Variants in TDRD9 observed in about 807,000 individuals in gnomAD.
TDRD9 encodes ATP-dependent RNA helicase TDRD9.
In TDRD9, 124 loss-of-function variants were observed where a neutral mutation model predicts 172.6. The observed-to-expected ratio is 0.72, with a 90% CI of 0.62 to 0.83. TDRD9 has a LOEUF of 0.83. Among genes scored for constraint, TDRD9 ranks in the 40% least tolerant of loss-of-function variants. The pLI is 0.00. For synonymous variants in TDRD9, 619 were observed against 617.1 expected (o/e 1.00, Z -0.05); for missense variants, 1,479 against 1,714.1 (o/e 0.86, Z 2.42).
At chr14:103,933,869 C>T (rs2030569127) in intron 1 of TDRD9, among the ~76,000 whole-genome samples, 1 of 152,212 alleles carries the variant, frequency 6.6e-6, no homozygotes, top group African/African-American at 2.4e-5. Flanking sequence ...TGTCCTAAGT[C>T]CACATACCTA....
At chr14:103,932,205 C>A (rs1371680628) in intron 1 of TDRD9, among the ~76,000 whole-genome samples, 3 of 152,206 alleles carry the variant, frequency 2.0e-5, no homozygotes, top group Non-Finnish European at 2.9e-5. Flanking sequence ...GGCAGCACTG[C>A]ATTAGGGTAC....
At position 103,977,406 on chromosome 14, in the gene TDRD9, T is replaced by C. The variant is rs1036809913; in HGVS notation, c.1011+1853T>C. ...TACTCGGGAAGCTGAGGCAGGAGAA[T>C]GGCATGAACCCGGGAGGCGGAGCTT... On this transcript the variant is annotated intron_variant, in intron 7 of 35. Transcript: ENST00000409874. Among the ~76,000 whole-genome samples the C allele has an allele frequency of 3.3e-4, 45 of 135,038 alleles. No individual in the cohort carries two copies. The Admixed American group carries it at 3.7e-3, about 11-fold the overall frequency. The allele number at this position is 135,038 out of a possible 152,430, so 88.6% of individuals were successfully genotyped here.
chr14:103,941,436 G>A (rs1470251764), intron 1 of TDRD9: 1 of 1,535,306 alleles, frequency 6.5e-7, no homozygotes, highest in Non-Finnish European at 8.7e-7. Flanking sequence ...TTGAACTTGT[G>A]AGCAAAGAAC....
rs1436801195 is a variant in TDRD9 at position 103,928,489 on chromosome 14, G to C, written c.-21G>C. ...CGCGGAGACCCGGCAGTTGGGGGATGCCGACGCCTGGGCCTTGAGGATGCT... is the reference window on the plus strand; with the variant it reads ...CGCGGAGACCCGGCAGTTGGGGGATCCCGACGCCTGGGCCTTGAGGATGCT... On this transcript the variant is annotated 5_prime_UTR_variant, in exon 1 of 36. It removes an upstream start codon present in the reference 5' UTR. Transcript: ENST00000409874. 14 of 1,431,508 alleles carry C rather than the reference G, an allele frequency of 9.8e-6. No individual in the cohort carries two copies. The Admixed American group carries it at 3.8e-4, about 38-fold the overall frequency. The allele number at this position is 1,431,508 out of a possible 1,614,324, so 88.7% of individuals were successfully genotyped here.
chr14:103,946,467 G>A (rs1209074412), intron 1 of TDRD9, among the ~76,000 whole-genome samples: 1 of 152,212 alleles, frequency 6.6e-6, no homozygotes, highest in Non-Finnish European at 1.5e-5. Context: ...AAGATTGAAA[G>A]CTTTTCCTCT....
chr14:103,988,014 G>T (rs375708590), intron 8 of TDRD9, among the ~76,000 whole-genome samples: 1 of 151,944 alleles, frequency 6.6e-6, no homozygotes, highest in Admixed American at 6.6e-5. Flanking sequence ...CTTATCTCTC[G>T]TAACACTTAA....
intron 1 of TDRD9, 65 bp from the exon 2 acceptor site, chr14:103,955,599 G>A: frequency 1.6e-6 from 2 of 1,251,484 alleles, no homozygotes; most frequent in Non-Finnish European, 2.2e-6. Flanking sequence ...TGAAAAACTT[G>A]TCTAGTACAC....
intron 8 of TDRD9, among the ~76,000 whole-genome samples, chr14:103,987,441 T>A (rs144581848): frequency 6.6e-6 from 1 of 152,318 alleles, no homozygotes. Flanking sequence ...TTAGTTCTGC[T>A]ATGTTGTGTC....
At chr14:104,016,190 C>G (rs1419647762) in intron 22 of TDRD9, 102 bp downstream of exon 22, 2 of 821,720 alleles carry the variant, frequency 2.4e-6, no homozygotes, top group Non-Finnish European at 3.9e-6. Flanking sequence ...GAATTTTCCC[C>G]TGGCGTGAAT....
chr14:104,020,254 A>G (rs2034912812), intron 23 of TDRD9, among the ~76,000 whole-genome samples: 1 of 152,178 alleles, frequency 6.6e-6, no homozygotes, highest in Non-Finnish European at 1.5e-5. Context: ...TCAAGGTAAG[A>G]GGAGTAGAAG....
intron 20 of TDRD9, chr14:104,013,875 G>A (rs1257544276): frequency 1.3e-5 from 2 of 151,240 alleles, no homozygotes; most frequent in Non-Finnish European, 2.9e-5. Context: ...GTGTGGGATT[G>A]TGCCTGTGAA....
intron 29 of TDRD9, 88 bp downstream of exon 29, chr14:104,031,351 G>A (rs554802370): frequency 2.5e-6 from 3 of 1,211,170 alleles, no homozygotes; most frequent in Admixed American, 5.8e-5. Context: ...AGTCATGGTG[G>A]TTTTTTCTTT....
At chr14:104,030,128 T>C (rs537677457) in intron 28 of TDRD9, among the ~76,000 whole-genome samples, 22 of 152,186 alleles carry the variant, frequency 1.4e-4, no homozygotes, top group Middle Eastern at 3.4e-3. Context: ...AACCAAAATT[T>C]TACATACAAA....
At chr14:104,043,794 G>GCTCTT (rs1432580762) in intron 34 of TDRD9, among the ~76,000 whole-genome samples, 1 of 152,174 alleles carries the variant, frequency 6.6e-6, no homozygotes, top group African/African-American at 2.4e-5. Flanking sequence ...ACACAACCTA[G>GCTCTT]CTCTTCAGCA....
intron 7 of TDRD9, among the ~76,000 whole-genome samples, chr14:103,984,791 C>T (rs1346531489): frequency 6.6e-6 from 1 of 152,132 alleles, no homozygotes; most frequent in African/African-American, 2.4e-5. Flanking sequence ...CAGCTTGTAC[C>T]ACGCACCTGG....
chr14:104,020,586 G>T (rs1455802645), intron 23 of TDRD9, among the ~76,000 whole-genome samples: 3 of 152,208 alleles, frequency 2.0e-5, no homozygotes, highest in African/African-American at 7.2e-5. Flanking sequence ...GAAGGAAAAT[G>T]CGTGCATTTA....
intron 23 of TDRD9, among the ~76,000 whole-genome samples, chr14:104,020,848 A>C (rs1321608758): frequency 1.3e-5 from 2 of 152,058 alleles, no homozygotes; most frequent in African/African-American, 4.8e-5. Flanking sequence ...GGTAAACTTG[A>C]TGCTGTCTTC....
intron 13 of TDRD9, among the ~76,000 whole-genome samples, chr14:104,003,406 C>T (rs1043145353): frequency 6.6e-6 from 1 of 152,100 alleles, no homozygotes; most frequent in African/African-American, 2.4e-5. Flanking sequence ...CATAATCAGT[C>T]AGAAACAAAA....
intron 22 of TDRD9, among the ~76,000 whole-genome samples, 153 bp from the exon 23 acceptor site, chr14:104,017,939 T>A (rs1182903574): frequency 6.6e-6 from 1 of 152,246 alleles, no homozygotes; most frequent in African/African-American, 2.4e-5. Context: ...AGTCTTTAAA[T>A]GCACTGATCT....
Sources: allele counts gnomAD v4.1 joint callset (sites outside exome capture counted in the v4.1 genomes callset), GRCh38; gene constraint gnomAD v4.1.1; transcripts MANE v1.5; gene names NCBI Gene and HGNC (gene_info 2026-07-23, HGNC 2026-07-21).